USP3: variants seen among roughly 807,000 people sequenced by gnomAD.
USP3 encodes the protein ubiquitin specific peptidase 3.
A neutral mutation model predicts 72.3 loss-of-function variants in USP3; 20 were observed. The ratio of observed to expected loss-of-function variants is 0.28; its 90% confidence interval spans 0.19 to 0.40. The LOEUF (loss-of-function observed/expected upper bound fraction) is 0.40. Ranked by LOEUF, USP3 falls within the 10% of genes least tolerant of loss-of-function variation. USP3 has a pLI of 1.00. For synonymous variants in USP3, 222 were observed against 225.3 expected (o/e 0.99, Z 0.13); for missense variants, 479 against 633.9 (o/e 0.76, Z 2.62).
intron 3 of USP3, among the ~76,000 whole-genome samples, chr15:63,548,249 C>G (rs1227503757): frequency 7.2e-6 from 1 of 138,656 alleles, no homozygotes. Flanking sequence ...CCCACCTCAG[C>G]CTCCCAAGGA....
intron 7 of USP3, 128 bp from the exon 8 acceptor site, chr15:63,562,767 C>T (rs2066628364): frequency 1.8e-6 from 1 of 567,458 alleles, no homozygotes; most frequent in African/African-American, 1.9e-5. Flanking sequence ...TTCAGACTTT[C>T]TTCAGAAAAG....
At chr15:63,578,634 A>AG (rs1283227347) in intron 11 of USP3, among the ~76,000 whole-genome samples, 25 of 151,000 alleles carry the variant, frequency 1.7e-4, no homozygotes, top group African/African-American at 5.3e-4. Context: ...AAAAAGAAGA[A>AG]AAAAAAAAGA....
intron 1 of USP3, among the ~76,000 whole-genome samples, chr15:63,531,493 T>G (rs1040718996): frequency 6.6e-6 from 1 of 152,206 alleles, no homozygotes; most frequent in Admixed American, 6.5e-5. Context: ...GGTACTATAA[T>G]TAACTATCTT....
chr15:63,541,384 A>G (rs1228089962), intron 3 of USP3, among the ~76,000 whole-genome samples: 1 of 152,208 alleles, frequency 6.6e-6, no homozygotes, highest in Non-Finnish European at 1.5e-5. Flanking sequence ...AAAATTTTAA[A>G]AAAGGAAAAT....
At chr15:63,564,865 C>G (rs2066662525) in intron 8 of USP3, among the ~76,000 whole-genome samples, 1 of 152,160 alleles carries the variant, frequency 6.6e-6, no homozygotes. Context: ...TTGGTCAGAT[C>G]TAGATCTTGA....
In USP3 at chr15:63,580,653, A is replaced by T. The variant is rs62012777; in HGVS notation, c.1096+6250A>T. 8.3e-4 allele frequency among the ~76,000 whole-genome samples: 9 copies of T among 10,794 alleles called. 1 individual carries two copies. Among genetic ancestry groups the T allele is most frequent in the African/African-American group, 2.9e-3 (4 of 1,376 alleles). 7.1% of individuals were successfully genotyped at this position (10,794 alleles called of 152,430 possible). A position where few individuals can be genotyped will look rare whatever the true frequency, so the allele number is the denominator to read the frequency against. On this transcript the variant is annotated intron_variant, in intron 11 of 14. Transcript: ENST00000380324. ...TCAGAAAGTGGTGCATATATATATGAATATATAATATATATATGAATATAT... is the reference window on the plus strand; with the variant it reads ...TCAGAAAGTGGTGCATATATATATGTATATATAATATATATATGAATATAT...
intron 14 of USP3, among the ~76,000 whole-genome samples, chr15:63,589,738 TA>T (rs1220112765): frequency 1.3e-5 from 2 of 152,194 alleles, no homozygotes; most frequent in African/African-American, 4.8e-5. Flanking sequence ...ATTATATGCA[TA>T]GTGAATTTCC....
At chr15:63,550,521 C>G (rs1298022942) in intron 3 of USP3, among the ~76,000 whole-genome samples, 1 of 152,166 alleles carries the variant, frequency 6.6e-6, no homozygotes, top group Non-Finnish European at 1.5e-5. Context: ...AACATAAGAT[C>G]AGTTTTTAAA....
chr15:63,577,101 C>T (rs977294224), intron 11 of USP3, among the ~76,000 whole-genome samples: 2 of 152,150 alleles, frequency 1.3e-5, no homozygotes, highest in Admixed American at 6.5e-5. Flanking sequence ...TTGAAATTAA[C>T]TAAAAATACG....
At position 63,588,979 on chromosome 15, in the gene USP3, C is replaced by T. The variant is rs777962033; in HGVS notation, c.1365C>T (p.Asp455=). ...ENSGPESCLY[D]LAAVVVHHGS... is the part of the protein sequence containing the mutation. ...GTGGCCCGGAGAGCTGCCTGTATGA[C>T]CTCGCCGCTGTGGTGGTGCACCATG... The change falls in exon 14 of 15, where the codon GAC becomes GAT. Residue 455 remains aspartate (D), a synonymous_variant. Coordinates refer to ENST00000380324, the MANE Select transcript of USP3 (RefSeq NM_006537.4). This position sits in a 1 kb window ranked among gnomAD's most constrained non-coding sequence, Gnocchi z 4.6. The T allele has an allele frequency of 6.2e-6, 10 of 1,613,824 alleles. No individual in the cohort carries two copies. In the East Asian group the frequency reaches 1.6e-4, roughly 25 times the overall value.
At chr15:63,542,166 A>T (rs1275822705) in intron 3 of USP3, 1 of 985,158 alleles carries the variant, frequency 1.0e-6, no homozygotes, top group African/African-American at 1.7e-5. Flanking sequence ...ATTGAAAAAA[A>T]CTTAGAATTT....
intron 3 of USP3, among the ~76,000 whole-genome samples, chr15:63,547,003 A>G (rs1567107901): frequency 1.3e-5 from 2 of 152,236 alleles, no homozygotes; most frequent in Admixed American, 6.5e-5. Context: ...GGTAACATTT[A>G]CATTTTCATT....
intron 6 of USP3, among the ~76,000 whole-genome samples, chr15:63,558,832 G>A (rs903488006): frequency 1.3e-5 from 2 of 152,120 alleles, no homozygotes; most frequent in Non-Finnish European, 2.9e-5. Context: ...CCAAGATGGC[G>A]CCACTACACT....
chr15:63,511,266 TAAAAA>T (rs61283920), intron 1 of USP3, among the ~76,000 whole-genome samples: 2 of 42,846 alleles, frequency 4.7e-5, no homozygotes, highest in East Asian at 9.1e-4. Context: ...TGCTTTTTCT[TAAAAA>T]AAAAAAAAAA....
At chr15:63,537,481 A>T (rs2066175102) in intron 3 of USP3, among the ~76,000 whole-genome samples, 1 of 152,018 alleles carries the variant, frequency 6.6e-6, no homozygotes, top group Non-Finnish European at 1.5e-5. Flanking sequence ...CAATGTGATA[A>T]CCCATGTTCA....
At chr15:63,537,455 A>C (rs777199953) in intron 3 of USP3, among the ~76,000 whole-genome samples, 7 of 151,824 alleles carry the variant, frequency 4.6e-5, no homozygotes, top group Non-Finnish European at 4.4e-5. Context: ...TTCTTGTGTT[A>C]TTTTAAATTG....
At chr15:63,526,933 C>T (rs1033180221) in intron 1 of USP3, among the ~76,000 whole-genome samples, 49 of 152,202 alleles carry the variant, frequency 3.2e-4, no homozygotes, top group African/African-American at 1.1e-3. Flanking sequence ...CTTGCTTTGT[C>T]GCCCAGACTG....
intron 14 of USP3, among the ~76,000 whole-genome samples, 177 bp from the exon 15 acceptor site, chr15:63,590,484 G>A (rs1362819842): frequency 1.3e-5 from 2 of 151,452 alleles, no homozygotes; most frequent in Non-Finnish European, 3.0e-5. Flanking sequence ...TTGTGTTCTA[G>A]CAAACCCTCG....
intron 11 of USP3, among the ~76,000 whole-genome samples, chr15:63,579,015 A>C (rs1311135884): frequency 3.9e-5 from 6 of 152,206 alleles, no homozygotes; most frequent in Admixed American, 3.9e-4. Context: ...ACTTTGATAA[A>C]TATATTATAA....
Sources: gnomAD v4.1 joint callset for allele counts (sites outside exome capture counted in the v4.1 genomes callset) on GRCh38, gnomAD v4.1.1 for gene constraint, Gnocchi (gnomAD v3.1) non-coding constraint, MANE v1.5 for transcripts, NCBI Gene and HGNC (gene_info 2026-07-23, HGNC 2026-07-21) for gene names.